DSE: variants seen among roughly 807,000 people sequenced by gnomAD.
DSE encodes dermatan-sulfate epimerase.
A neutral mutation model predicts 84.4 loss-of-function variants in DSE; 36 were observed. That is an observed-to-expected ratio of 0.43 (90% CI 0.33 to 0.56). The LOEUF (loss-of-function observed/expected upper bound fraction) is 0.56, where lower values mean the gene tolerates loss of function less well. Ranked by LOEUF, DSE falls within the 20% of genes least tolerant of loss-of-function variation. DSE has a pLI of 0.06. For missense variants in DSE, 862 were observed against 1,169.6 expected (o/e 0.74, Z 3.84); for synonymous variants, 410 against 430.1 (o/e 0.95, Z 0.58).
intron 2 of DSE, among the ~76,000 whole-genome samples, chr6:116,405,508 C>G (rs1229853421): frequency 6.6e-6 from 1 of 152,136 alleles, no homozygotes; most frequent in Non-Finnish European, 1.5e-5. Context: ...CTTTCTCTTA[C>G]CCTTCCCCCT....
chr6:116,325,980 T>G (rs1194487025), intron 2 of DSE, among the ~76,000 whole-genome samples: 14 of 152,146 alleles, frequency 9.2e-5, no homozygotes, highest in Admixed American at 9.2e-4. Context: ...CACCAGTAAT[T>G]AGATTGGAAC....
intron 2 of DSE, among the ~76,000 whole-genome samples, chr6:116,269,292 AATGAG>A (rs1455381741): frequency 1.3e-5 from 2 of 152,070 alleles, no homozygotes; most frequent in Admixed American, 6.5e-5. Flanking sequence ...ATGAAGGTGA[AATGAG>A]ATATCTGTGA....
intron 2 of DSE, among the ~76,000 whole-genome samples, chr6:116,311,028 C>T (rs181257330): frequency 2.2e-4 from 33 of 152,318 alleles, no homozygotes; most frequent in Admixed American, 2.1e-3. Context: ...TGCTCCTCCT[C>T]ATCTCAGCTC....
At chr6:116,309,222 G>A (rs1048779144) in intron 2 of DSE, among the ~76,000 whole-genome samples, 1 of 152,058 alleles carries the variant, frequency 6.6e-6, no homozygotes, top group African/African-American at 2.4e-5. Flanking sequence ...CCCTCATCCT[G>A]TATACACACA....
rs2115112466 is a variant in DSE at position 116,442,817 on chromosome 6, G to A, written c.*5472G>A. ...AACAAGCATGGCAGCGATTTTCATG[G>A]GATAGGAAATGTGTATGGGAGCAAA... is the stretch of plus-strand genomic sequence containing the variant. On this transcript the variant is annotated 3_prime_UTR_variant, in exon 6 of 6. Coordinates refer to ENST00000644252, the MANE Select transcript of DSE (RefSeq NM_013352.4). The A allele has an allele frequency of 6.6e-6, 1 of 152,198 alleles. No individual in the cohort carries two copies. The highest frequency in any genetic ancestry group is 1.9e-4 in the East Asian group (1 of 5,194). The allele number at this position is 152,198 out of a possible 1,614,324, so 9.4% of individuals were successfully genotyped here.
In DSE at chr6:116,436,064, T is replaced by C; in HGVS notation, c.1596T>C (p.Asn532=). ...QGRVVAAEEK[N]GVVFIRGEGV... The stretch of plus-strand genomic sequence containing the variant: ...GGGTGGTTGCAGCAGAGGAGAAAAA[T>C]GGGGTGGTTTTCATCCGAGGAGAAG... The change falls in exon 6 of 6, where the codon AAT becomes AAC. Residue 532 remains asparagine (N), a synonymous_variant. Coordinates refer to ENST00000644252, the MANE Select transcript of DSE (RefSeq NM_013352.4). The C allele has an allele frequency of 6.2e-7, 1 of 1,613,488 alleles. No homozygotes were observed. Among genetic ancestry groups the C allele is most frequent in the Non-Finnish European group, 8.5e-7 (1 of 1,179,914 alleles).
intron 2 of DSE, among the ~76,000 whole-genome samples, chr6:116,263,671 CTTGT>C (rs1402983120): frequency 1.3e-5 from 2 of 152,102 alleles, no homozygotes; most frequent in Non-Finnish European, 2.9e-5. Context: ...ATTTTGCAGA[CTTGT>C]TTATGTGGTT....
intron 2 of DSE, among the ~76,000 whole-genome samples, chr6:116,323,432 TAAA>T (rs1263630399): frequency 3.9e-5 from 6 of 152,146 alleles, no homozygotes; most frequent in East Asian, 1.9e-4. Flanking sequence ...GCCAGAAAAA[TAAA>T]AAACTTTTCA....
At chr6:116,328,390 C>T (rs548135250) in intron 2 of DSE, among the ~76,000 whole-genome samples, 19 of 152,266 alleles carry the variant, frequency 1.2e-4, no homozygotes, top group African/African-American at 4.3e-4. Context: ...ATTTCTCATA[C>T]GTTTCCTTTC....
upstream of DSE, chr6:116,369,811 A>C: frequency 5.7e-6 from 5 of 883,844 alleles, no homozygotes; most frequent in Non-Finnish European, 7.9e-6. Context: ...TTTTTTCCTT[A>C]TTTGGCCAAA....
intron 2 of DSE, among the ~76,000 whole-genome samples, chr6:116,417,841 A>G (rs559094097): frequency 1.3e-5 from 2 of 152,254 alleles, no homozygotes; most frequent in African/African-American, 4.8e-5. Flanking sequence ...ATTTCTGTGT[A>G]CTCTAGCCCT....
upstream of DSE, chr6:116,254,171 C>A: frequency 1.3e-6 from 1 of 785,176 alleles, no homozygotes; most frequent in Non-Finnish European, 2.1e-6. Context: ...CGCGAGAACT[C>A]TCTGCGCGGT....
chr6:116,412,377 T>G (rs1168787886), intron 2 of DSE: 1 of 152,300 alleles, frequency 6.6e-6, no homozygotes, highest in African/African-American at 2.4e-5. Flanking sequence ...ACTTTGAACA[T>G]TCTGAACTTC....
chr6:116,382,887 T>C (rs1780330290), intron 1 of DSE, among the ~76,000 whole-genome samples: 1 of 152,166 alleles, frequency 6.6e-6, no homozygotes, highest in Admixed American at 6.6e-5. Context: ...CCCAGAGTGA[T>C]AGAAATTACC....
At chr6:116,426,173 G>A (rs559182372) in intron 2 of DSE, among the ~76,000 whole-genome samples, 2 of 152,306 alleles carry the variant, frequency 1.3e-5, no homozygotes, top group South Asian at 4.1e-4. Flanking sequence ...GTGGCCGTAA[G>A]AATAGAACTG....
intron 1 of DSE, among the ~76,000 whole-genome samples, chr6:116,371,391 G>A (rs1366143259): frequency 6.6e-6 from 1 of 152,218 alleles, no homozygotes; most frequent in Non-Finnish European, 1.5e-5. Context: ...CCACCCCCTT[G>A]AACGCCGAGC....
intron 2 of DSE, among the ~76,000 whole-genome samples, chr6:116,312,408 C>A (rs541820786): frequency 6.6e-6 from 1 of 152,274 alleles, no homozygotes; most frequent in African/African-American, 2.4e-5. Context: ...TCAGAGCAGG[C>A]TTCCTGAAGG....
intron 2 of DSE, among the ~76,000 whole-genome samples, chr6:116,425,502 C>T (rs1341412947): frequency 6.6e-6 from 1 of 152,174 alleles, no homozygotes; most frequent in Admixed American, 6.5e-5. Context: ...TTGTTTGCTT[C>T]CTGCTTAATG....
At chr6:116,426,547 A>G in intron 2 of DSE, 27 bp from the exon 3 acceptor site, 1 of 1,606,178 alleles carries the variant, frequency 6.2e-7, no homozygotes, top group Non-Finnish European at 8.5e-7. Context: ...TGATGAACTC[A>G]TTTCCATGAT....
Sources: gnomAD v4.1 joint callset for allele counts (sites outside exome capture counted in the v4.1 genomes callset) on GRCh38, gnomAD v4.1.1 for gene constraint, MANE v1.5 for transcripts, NCBI Gene and HGNC (gene_info 2026-07-23, HGNC 2026-07-21) for gene names.